Variants in PDE4D observed in about 807,000 individuals in gnomAD.
PDE4D encodes the protein 3',5'-cyclic-AMP phosphodiesterase 4D.
Under a neutral mutation model 87.4 loss-of-function variants are expected in PDE4D, and 24 were observed. That is an observed-to-expected ratio of 0.27 (90% confidence interval 0.20 to 0.39). The LOEUF is 0.39. Ranked by LOEUF, PDE4D falls within the 10% of genes least tolerant of loss-of-function variation. PDE4D has a pLI of 1.00. For missense variants in PDE4D, 714 were observed against 1,041.0 expected, an observed-to-expected ratio of 0.69 and a Z score of 4.32; for synonymous variants, 384 against 383.2, an observed-to-expected ratio of 1.00 and a Z score of -0.02.
At chr5:59,575,816 C>A (rs887376439) in intron 1 of PDE4D, among the ~76,000 whole-genome samples, 7 of 152,108 alleles carry the variant, frequency 4.6e-5, no homozygotes, top group Admixed American at 1.3e-4. Context: ...GTAAGACAGT[C>A]ATAAACAGAA....
chr5:60,203,034 G>T (rs1014809544), intron 1 of PDE4D, among the ~76,000 whole-genome samples: 3 of 152,248 alleles, frequency 2.0e-5, no homozygotes, highest in African/African-American at 7.2e-5. Context: ...GTGCAGTGGC[G>T]CAATCTTGGC....
At chr5:59,872,746 A>G (rs1005564822) in intron 1 of PDE4D, among the ~76,000 whole-genome samples, 1 of 152,230 alleles carries the variant, frequency 6.6e-6, no homozygotes, top group African/African-American at 2.4e-5. Flanking sequence ...TCTACCTAGA[A>G]GCTAGAGAAC....
intron 1 of PDE4D, among the ~76,000 whole-genome samples, chr5:60,478,361 G>C (rs529296182): frequency 6.6e-6 from 1 of 152,116 alleles, no homozygotes; most frequent in South Asian, 2.1e-4. Flanking sequence ...TAAGCTGTCT[G>C]GTTTTCTTTA....
At chr5:59,410,163 T>A (rs904972419) in intron 1 of PDE4D, among the ~76,000 whole-genome samples, 6 of 152,156 alleles carry the variant, frequency 3.9e-5, no homozygotes, top group African/African-American at 1.4e-4. Flanking sequence ...AAATACTAGA[T>A]CTTATTCTTC....
At chr5:59,663,629 T>C (rs1215088216) in intron 1 of PDE4D, among the ~76,000 whole-genome samples, 1 of 152,206 alleles carries the variant, frequency 6.6e-6, no homozygotes, top group Non-Finnish European at 1.5e-5. Flanking sequence ...ATAATAATTG[T>C]TTCTAAGCAA....
At chr5:60,409,916 G>C (rs1741901034) in intron 1 of PDE4D, among the ~76,000 whole-genome samples, 1 of 152,138 alleles carries the variant, frequency 6.6e-6, no homozygotes, top group South Asian at 2.1e-4. Context: ...AGTCAGATGT[G>C]TGTGCCTTAA....
intron 5 of PDE4D, among the ~76,000 whole-genome samples, chr5:59,165,996 A>C (rs955269614): frequency 6.6e-6 from 1 of 152,138 alleles, no homozygotes; most frequent in African/African-American, 2.4e-5. Flanking sequence ...TGATTCCTTC[A>C]AACCTCGTCC....
In PDE4D at chr5:58,972,088, T is replaced by C. The variant is rs1561195028; in HGVS notation, c.*2576A>G. 1.3e-5 allele frequency: 2 copies of C among 152,598 alleles called. No homozygotes were observed. The highest frequency in any genetic ancestry group is 2.9e-5 in the Non-Finnish European group (2 of 68,030). The allele number at this position is 152,598 out of a possible 1,614,324, so 9.5% of individuals were successfully genotyped here. ...CAGGTCTGGATTTGTTAATGACATA[T>C]TGCTGCTTTTTATTTTATTCATTAT... On this transcript the variant is annotated 3_prime_UTR_variant, in exon 15 of 15. Transcript: ENST00000340635.
chr5:59,185,234 T>C lies in PDE4D; in HGVS notation c.713A>G (p.Asn238Ser). 6.2e-7 allele frequency: 1 copy of C among 1,613,002 alleles called. No homozygotes were observed. The highest frequency in any genetic ancestry group is 2.2e-5 in the East Asian group (1 of 44,860). The change falls in exon 4 of 15, where the codon AAC becomes AGC. Residue 238 changes from asparagine to serine, a missense_variant. Physicochemically the swap from Asn to Ser is conservative, Grantham distance 46. Around this residue, in one of 7 missense-constraint regions of PDE4D, gnomAD observed 90 missense variants for 177.6 expected, o/e 0.51. Coordinates refer to ENST00000340635, the MANE Select transcript of PDE4D (RefSeq NM_001104631.2). ...QVLASLRTVRNNFAALTNLQD... is the reference protein window; with the variant it reads ...QVLASLRTVRSNFAALTNLQD... ...CAAATTAGTTAATGCAGCAAAGTTG[T>C]TTCGTACAGTTCGCAGACTGGCCAA...
chr5:59,340,043 A>G lies in PDE4D; in HGVS notation c.456-124075T>C, dbSNP rs143953513. On this transcript the variant is annotated intron_variant, in intron 1 of 14. Coordinates refer to ENST00000340635, the MANE Select transcript of PDE4D (RefSeq NM_001104631.2). ...TCACCCTCTCTGGAATCTCATTTTC[A>G]TCAACAGCCCCTATTTGCTAATGTT... 7.3e-5 allele frequency among the ~76,000 whole-genome samples: 11 copies of G among 151,446 alleles called. No homozygotes were observed. In the East Asian group the frequency reaches 2.1e-3, roughly 29 times the overall value.
At chr5:60,259,631 A>G (rs915047658) in intron 1 of PDE4D, among the ~76,000 whole-genome samples, 4 of 152,062 alleles carry the variant, frequency 2.6e-5, no homozygotes, top group Non-Finnish European at 5.9e-5. Context: ...TCACTCTATA[A>G]TAACATTTTC....
chr5:59,613,592 G>A (rs1433882162), intron 1 of PDE4D, among the ~76,000 whole-genome samples: 1 of 152,148 alleles, frequency 6.6e-6, no homozygotes, highest in East Asian at 1.9e-4. Flanking sequence ...AGGATGCAGA[G>A]TCCTCAAGGG....
At chr5:60,456,026 C>T (rs1561276902) in intron 1 of PDE4D, among the ~76,000 whole-genome samples, 1 of 152,186 alleles carries the variant, frequency 6.6e-6, no homozygotes, top group Non-Finnish European at 1.5e-5. Flanking sequence ...GCCTTGCACA[C>T]ACCCCCAAGG....
rs867546600 is a variant in PDE4D at position 59,039,063 on chromosome 5, C to A, written c.809-92G>T. 3.3e-6 allele frequency: 5 copies of A among 1,504,168 alleles called. No individual in the cohort carries two copies. In the Middle Eastern group the frequency reaches 5.2e-4, roughly 156 times the overall value. 93.2% of individuals were successfully genotyped at this position (1,504,168 alleles called of 1,614,324 possible). A position where few individuals can be genotyped will look rare whatever the true frequency, so the allele number is the denominator to read the frequency against. ...AGGGGGCCATCCTGCCATACCCCGC[C>A]ATGCTCGGATGCCCGGTGCCGGCAC... On this transcript the variant is annotated intron_variant, in intron 5 of 14. Transcript: ENST00000340635.
intron 1 of PDE4D, among the ~76,000 whole-genome samples, chr5:60,235,131 T>C (rs1242537092): frequency 2.8e-4 from 42 of 151,934 alleles, no homozygotes; most frequent in Non-Finnish European, 1.0e-4. Flanking sequence ...TTTCTCATAA[T>C]CATTTTACAA....
At chr5:60,283,360 G>C (rs973205686) in intron 1 of PDE4D, among the ~76,000 whole-genome samples, 4 of 152,030 alleles carry the variant, frequency 2.6e-5, no homozygotes, top group Non-Finnish European at 1.5e-5. Flanking sequence ...CATACTTTGA[G>C]ACTCAAAGTA....
At chr5:59,618,111 A>G (rs1013631062) in intron 1 of PDE4D, among the ~76,000 whole-genome samples, 2 of 152,190 alleles carry the variant, frequency 1.3e-5, no homozygotes, top group Admixed American at 6.5e-5. Flanking sequence ...TCGATGCCTA[A>G]AAGTTTCTAT....
chr5:59,039,603 T>G, intron 5 of PDE4D: 2 of 766,270 alleles, frequency 2.6e-6, no homozygotes, highest in Non-Finnish European at 3.2e-6. Context: ...CTCACGCCCC[T>G]CTCGGCCCTC....
intron 1 of PDE4D, among the ~76,000 whole-genome samples, chr5:59,608,522 A>G (rs1425476154): frequency 2.0e-5 from 3 of 152,156 alleles, no homozygotes; most frequent in Non-Finnish European, 4.4e-5. Flanking sequence ...AGACACAAGA[A>G]CCATTTAATT....
Sources: gnomAD v4.1 joint callset for allele counts (sites outside exome capture counted in the v4.1 genomes callset) on GRCh38, gnomAD v4.1.1 for gene constraint, gnomAD v4.1.1 regional missense constraint, MANE v1.5 for transcripts, NCBI Gene and HGNC (gene_info 2026-07-23, HGNC 2026-07-21) for gene names.